The following SPIDR variants were observed in gnomAD, a reference collection of about 807,000 sequenced individuals.
SPIDR encodes the protein DNA repair-scaffolding protein.
SPIDR carries 93 observed loss-of-function variants against 104.6 expected under a neutral mutation model. The observed-to-expected ratio is 0.89, with a 90% CI of 0.75 to 1.06. The LOEUF is 1.06. Ranked by LOEUF, SPIDR falls within the 50% of genes least tolerant of loss-of-function variation. The pLI is 0.00. For synonymous variants in SPIDR, 431 were observed against 416.9 expected (o/e 1.03, Z -0.41); for missense variants, 1,154 against 1,111.2 (o/e 1.04, Z -0.55).
chr8:47,511,016 G>C, intron 8 of SPIDR: 1 of 747,296 alleles, frequency 1.3e-6, no homozygotes, highest in South Asian at 1.5e-5. Context: ...GAGAGGCCAG[G>C]CAGCTGCCTG....
intron 10 of SPIDR, among the ~76,000 whole-genome samples, chr8:47,652,021 A>G (rs1588845937): frequency 6.6e-6 from 1 of 152,180 alleles, no homozygotes; most frequent in African/African-American, 2.4e-5. Context: ...TACTCGGGTG[A>G]TGGGTGCACT....
intron 8 of SPIDR, among the ~76,000 whole-genome samples, chr8:47,466,217 A>G (rs1554716813): frequency 1.3e-5 from 2 of 152,212 alleles, no homozygotes; most frequent in African/African-American, 4.8e-5. Flanking sequence ...TACAGAATAT[A>G]CATTCTTCTC....
intron 14 of SPIDR, among the ~76,000 whole-genome samples, chr8:47,711,105 A>T (rs1303897721): frequency 1.3e-5 from 2 of 152,160 alleles, no homozygotes; most frequent in African/African-American, 4.8e-5. Context: ...TTCATCTTTT[A>T]TTCAGCAAGT....
In SPIDR at chr8:47,260,965, C is replaced by A. The variant is rs201653966; in HGVS notation, c.7C>A (p.Arg3Ser). 1,357 of 1,229,532 alleles carry A rather than the reference C, an allele frequency of 1.1e-3. 5 individuals are homozygous for A. The highest frequency in any genetic ancestry group is 7.2e-3 in the Middle Eastern group (23 of 3,204). The allele number at this position is 1,229,532 out of a possible 1,614,324, so 76.2% of individuals were successfully genotyped here. A position where few individuals can be genotyped will look rare whatever the true frequency, so the allele number is the denominator to read the frequency against. MP[R>S]GSRARGSKRK... is the part of the protein sequence containing the mutation. Reference sequence around the variant, plus strand: ...TCAGGCGGCGCTCCCGGAGATGCCCCGCGGCAGCCGCGCTCGGGGCTCTAA... The same window carrying A: ...TCAGGCGGCGCTCCCGGAGATGCCCAGCGGCAGCCGCGCTCGGGGCTCTAA... Residue 3 changes from arginine (R) to serine (S), a missense_variant, in exon 1 of 20, where the codon CGC becomes AGC. By Grantham distance (110) the Arg-to-Ser change is moderately radical. Transcript: ENST00000297423.
At chr8:47,716,730 G>A (rs1462135234) in intron 16 of SPIDR, among the ~76,000 whole-genome samples, 19 of 152,052 alleles carry the variant, frequency 1.2e-4, no homozygotes, top group Non-Finnish European at 2.8e-4. Flanking sequence ...GGACCATCAG[G>A]ATTTGTCAAG....
intron 10 of SPIDR, among the ~76,000 whole-genome samples, chr8:47,642,502 T>G (rs563737664): frequency 1.3e-4 from 20 of 152,290 alleles, no homozygotes; most frequent in African/African-American, 4.6e-4. Flanking sequence ...GCTCAGCATT[T>G]ATAGGTCAAG....
intron 10 of SPIDR, among the ~76,000 whole-genome samples, chr8:47,661,761 C>T (rs572856872): frequency 6.6e-6 from 1 of 152,318 alleles, no homozygotes; most frequent in South Asian, 2.1e-4. Context: ...TTTAACGTTC[C>T]TTAAACAAAA....
At chr8:47,680,796 G>C (rs1021419397) in intron 11 of SPIDR, among the ~76,000 whole-genome samples, 6 of 152,212 alleles carry the variant, frequency 3.9e-5, no homozygotes, top group Non-Finnish European at 5.9e-5. Flanking sequence ...TCTGAAAGGA[G>C]AATAAAGTAC....
chr8:47,307,533 GTTTTTTTTTTTTTT>G (rs71225675), intron 5 of SPIDR, among the ~76,000 whole-genome samples: 2 of 72,112 alleles, frequency 2.8e-5, no homozygotes, highest in East Asian at 7.3e-4. Flanking sequence ...TTCTCATTTC[GTTTTTTTTTTTTTT>G]TTTTTTTTTG....
At chr8:47,487,319 T>C (rs1407258149) in intron 8 of SPIDR, among the ~76,000 whole-genome samples, 2 of 152,088 alleles carry the variant, frequency 1.3e-5, no homozygotes, top group African/African-American at 2.4e-5. Context: ...CCTAAATATA[T>C]ATGCACCCAG....
At chr8:47,338,196 A>G (rs1292242590) in intron 5 of SPIDR, among the ~76,000 whole-genome samples, 1 of 152,172 alleles carries the variant, frequency 6.6e-6, no homozygotes, top group Non-Finnish European at 1.5e-5. Context: ...TTCCAAATGG[A>G]AAGAGATTAC....
At chr8:47,566,388 A>G (rs138388631) in intron 8 of SPIDR, among the ~76,000 whole-genome samples, 150 of 152,224 alleles carry the variant, frequency 9.9e-4, no homozygotes, top group African/African-American at 2.9e-3. Context: ...TCACAGGTAC[A>G]GATCTACTTC....
intron 8 of SPIDR, among the ~76,000 whole-genome samples, chr8:47,520,904 A>G (rs2083960736): frequency 6.6e-6 from 1 of 152,210 alleles, no homozygotes; most frequent in African/African-American, 2.4e-5. Context: ...TTCCAGGGAT[A>G]TGGCTCCAGA....
intron 7 of SPIDR, among the ~76,000 whole-genome samples, chr8:47,413,206 T>C (rs1218555262): frequency 1.3e-5 from 2 of 152,218 alleles, no homozygotes; most frequent in Non-Finnish European, 2.9e-5. Flanking sequence ...CCTGAAGATA[T>C]CATTTGCATA....
chr8:47,433,969 T>C (rs1554690704), intron 7 of SPIDR, among the ~76,000 whole-genome samples: 2 of 152,246 alleles, frequency 1.3e-5, no homozygotes, highest in East Asian at 3.9e-4. Context: ...GTCAGTAAAA[T>C]AGGGCATAGA....
intron 14 of SPIDR, among the ~76,000 whole-genome samples, chr8:47,705,888 G>A (rs1164018614): frequency 4.6e-5 from 7 of 150,598 alleles, no homozygotes; most frequent in African/African-American, 1.7e-4. Flanking sequence ...CTGACAGAGT[G>A]AGACCCTGTC....
At chr8:47,373,569 G>A (rs4391434) in intron 5 of SPIDR, among the ~76,000 whole-genome samples, 3,895 of 151,712 alleles carry the variant, frequency 0.026, 59 homozygotes, top group Middle Eastern at 0.041. Flanking sequence ...GTTTTGTTAC[G>A]TAGGTATAAA....
intron 8 of SPIDR, among the ~76,000 whole-genome samples, chr8:47,443,173 G>A (rs1303899671): frequency 6.6e-6 from 1 of 152,088 alleles, no homozygotes; most frequent in African/African-American, 2.4e-5. Flanking sequence ...TGGAATGTTT[G>A]TAGGTCTGGA....
intron 8 of SPIDR, among the ~76,000 whole-genome samples, chr8:47,553,555 G>T (rs1587668831): frequency 6.6e-6 from 1 of 152,148 alleles, no homozygotes; most frequent in East Asian, 1.9e-4. Context: ...AAGCTTGTGT[G>T]TGCATCACGT....
Sources: gnomAD v4.1 joint callset for allele counts (sites outside exome capture counted in the v4.1 genomes callset) on GRCh38, gnomAD v4.1.1 for gene constraint, MANE v1.5 for transcripts, NCBI Gene and HGNC (gene_info 2026-07-23, HGNC 2026-07-21) for gene names.